Variants in COL6A6 observed in about 807,000 individuals in gnomAD.
COL6A6 encodes the protein collagen alpha-6(VI) chain.
Under a neutral mutation model 208.6 loss-of-function variants are expected in COL6A6, and 183 were observed. The ratio of observed to expected loss-of-function variants is 0.88; its 90% CI spans 0.78 to 0.99. COL6A6 has a LOEUF of 0.99. Ranked by LOEUF, COL6A6 falls within the 50% of genes least tolerant of loss-of-function variation. The probability of loss-of-function intolerance (pLI) is 0.00; values close to 1 mark genes in which losing one functional copy is unlikely to be tolerated. For synonymous variants in COL6A6, 973 were observed against 1,011.8 expected (o/e 0.96, Z 0.73); for missense variants, 2,816 against 2,815.2 (o/e 1.00, Z -0.01).
At chr3:130,586,797 C>A in intron 11 of COL6A6, 137 bp downstream of exon 11, 1 of 759,982 alleles carries the variant, frequency 1.3e-6, no homozygotes, top group Non-Finnish European at 2.0e-6. Flanking sequence ...AGTGAACAGC[C>A]TAAGTAAGAG....
intron 22 of COL6A6, among the ~76,000 whole-genome samples, chr3:130,609,975 T>TTTA (rs1560062989): frequency 1.4e-5 from 2 of 141,242 alleles, no homozygotes; most frequent in African/African-American, 5.5e-5. Flanking sequence ...TTTTTTTTTT[T>TTTA]AACCTTCAAG....
chr3:130,520,817 A>G (rs1400628848), intron 1 of COL6A6, among the ~76,000 whole-genome samples: 1 of 152,186 alleles, frequency 6.6e-6, no homozygotes, highest in East Asian at 1.9e-4. Flanking sequence ...GTCTATCACT[A>G]CTGACTCTAA....
chr3:130,577,836 C>T (rs9838052), intron 8 of COL6A6, among the ~76,000 whole-genome samples: 150,964 of 152,360 alleles, frequency 0.99, 74,798 homozygotes, highest in African/African-American at 1. Context: ...TATCATAGCA[C>T]GTTGCTGAGA....
At chr3:130,585,371 G>C (rs1560027720) in intron 10 of COL6A6, among the ~76,000 whole-genome samples, 1 of 152,156 alleles carries the variant, frequency 6.6e-6, no homozygotes, top group Non-Finnish European at 1.5e-5. Context: ...CTGTTTGCTT[G>C]TCTGTAAAAT....
intron 7 of COL6A6, 28 bp downstream of exon 7, chr3:130,571,421 A>G: frequency 2.7e-6 from 4 of 1,486,472 alleles, no homozygotes; most frequent in East Asian, 4.6e-5. Flanking sequence ...AGTTTTTCCT[A>G]ATTATTAGCA....
chr3:130,613,812 G>A (rs912947569), intron 23 of COL6A6, among the ~76,000 whole-genome samples: 5 of 151,928 alleles, frequency 3.3e-5, no homozygotes, highest in African/African-American at 1.2e-4. Context: ...TTTGGCTCTC[G>A]GCTTGTATGT....
intron 20 of COL6A6, among the ~76,000 whole-genome samples, chr3:130,604,337 CAAA>C (rs1209567140): frequency 6.6e-6 from 1 of 151,450 alleles, no homozygotes; most frequent in African/African-American, 2.4e-5. Flanking sequence ...ACTAAAAATA[CAAA>C]AAAAATTAGC....
intron 21 of COL6A6, 66 bp from the exon 22 acceptor site, chr3:130,608,836 C>T: frequency 2.6e-6 from 2 of 756,804 alleles, no homozygotes; most frequent in Non-Finnish European, 3.8e-6. Context: ...TATTTGTAAG[C>T]TTGCAGGTAA....
chr3:130,614,034 C>T (rs1275889928), intron 23 of COL6A6, among the ~76,000 whole-genome samples: 1 of 152,076 alleles, frequency 6.6e-6, no homozygotes, highest in Non-Finnish European at 1.5e-5. Context: ...TTGCTCTAGC[C>T]AGGACTTCCA....
Position 130,589,186 on chromosome 3 carries a change from A to G in COL6A6, c.4218+4A>G. 9 of 1,607,510 alleles carry G rather than the reference A, an allele frequency of 5.6e-6. No homozygotes were observed. The highest frequency in any genetic ancestry group is 7.7e-6 in the Non-Finnish European group (9 of 1,174,026). Reference sequence around the variant, plus strand: ...TCCTGGACCACCAGGGAAAAGGGTGATTTTAGCTCAGATTTATGGGTTACT... The same window carrying G: ...TCCTGGACCACCAGGGAAAAGGGTGGTTTTAGCTCAGATTTATGGGTTACT... On this transcript the variant is annotated splice_donor_region_variant and intron_variant, in intron 12 of 36. Coordinates refer to ENST00000358511, the MANE Select transcript of COL6A6 (RefSeq NM_001102608.3).
intron 1 of COL6A6, among the ~76,000 whole-genome samples, chr3:130,553,927 T>A (rs2062707434): frequency 1.3e-5 from 2 of 152,164 alleles, no homozygotes; most frequent in Non-Finnish European, 2.9e-5. Context: ...ATAAGAATGG[T>A]TGTATTGACT....
At chr3:130,639,606 C>A (rs181109262) in intron 28 of COL6A6, among the ~76,000 whole-genome samples, 126 of 151,234 alleles carry the variant, frequency 8.3e-4, no homozygotes, top group African/African-American at 3.0e-3. Flanking sequence ...GTGTGAGGAT[C>A]ACCTGAGCCC....
intron 1 of COL6A6, among the ~76,000 whole-genome samples, chr3:130,528,842 G>A (rs1029829864): frequency 1.3e-5 from 2 of 152,226 alleles, no homozygotes; most frequent in African/African-American, 4.8e-5. Context: ...TGTAATCCCA[G>A]CACTTTGGGA....
At chr3:130,568,933 C>T (rs1001143490) in intron 6 of COL6A6, among the ~76,000 whole-genome samples, 2 of 152,128 alleles carry the variant, frequency 1.3e-5, no homozygotes, top group African/African-American at 4.8e-5. Context: ...GAGGTATTTT[C>T]AGAAGGGGTG....
In COL6A6 at chr3:130,568,450, T is replaced by C; in HGVS notation, c.2247T>C (p.Gly749=). 1 of 1,613,938 alleles carries C rather than the reference T, an allele frequency of 6.2e-7. No homozygotes were observed. Among genetic ancestry groups the C allele is most frequent in the Non-Finnish European group, 8.5e-7 (1 of 1,179,878 alleles). The change falls in exon 6 of 37, where the codon GGT becomes GGC. Residue 749 remains glycine, a synonymous_variant. Coordinates refer to ENST00000358511, the MANE Select transcript of COL6A6 (RefSeq NM_001102608.3). The stretch of plus-strand genomic sequence containing the variant: ...CAGCAGTAGTGCTTCGGCAAGAAGG[T>C]GTAATCATCTATTCTGTGGGAGTGT... The part of the protein sequence containing the change: ...KEPAVVLRQE[G]VIIYSVGVFG...
intron 36 of COL6A6, among the ~76,000 whole-genome samples, chr3:130,669,326 T>C (rs895561587): frequency 6.6e-6 from 1 of 151,870 alleles, no homozygotes; most frequent in Non-Finnish European, 1.5e-5. Context: ...ACTCAGGAGG[T>C]AGAGGTTGCA....
At chr3:130,562,385 T>C (rs543211598) in intron 2 of COL6A6, among the ~76,000 whole-genome samples, 303 of 152,354 alleles carry the variant, frequency 2.0e-3, no homozygotes, top group Non-Finnish European at 3.6e-3. Flanking sequence ...ACATTTTGCA[T>C]GTGTGAGAAT....
chr3:130,651,107 G>C (rs1392224842), intron 33 of COL6A6, among the ~76,000 whole-genome samples: 1 of 152,218 alleles, frequency 6.6e-6, no homozygotes, highest in African/African-American at 2.4e-5. Context: ...CACTGCATTA[G>C]TGCCAGTACG....
chr3:130,518,328 T>G (rs1710861477), intron 1 of COL6A6, among the ~76,000 whole-genome samples: 2 of 152,200 alleles, frequency 1.3e-5, no homozygotes, highest in South Asian at 4.1e-4. Context: ...TCATGTTACT[T>G]TTTCTAAACT....
Sources: gnomAD v4.1 joint callset for allele counts (sites outside exome capture counted in the v4.1 genomes callset) on GRCh38, gnomAD v4.1.1 for gene constraint, MANE v1.5 for transcripts, NCBI Gene and HGNC (gene_info 2026-07-23, HGNC 2026-07-21) for gene names.